The following LCT variants were observed in gnomAD, a reference collection of about 807,000 sequenced individuals.
LCT encodes the protein lactase.
A neutral mutation model predicts 173.0 loss-of-function variants in LCT; 90 were observed. The observed-to-expected ratio is 0.52, with a 90% CI of 0.44 to 0.62. The LOEUF is 0.62. Among genes scored for constraint, LCT ranks in the 20% least tolerant of loss-of-function variants. The pLI is 0.00. For missense variants in LCT, 1,864 were observed against 2,431.4 expected (o/e 0.77, Z 4.91); for synonymous variants, 853 against 957.6 (o/e 0.89, Z 2.02).
In LCT at chr2:135,790,605, A is replaced by G. The variant is rs2105517008; in HGVS notation, c.5335+53T>C. 1 of 1,135,030 alleles carries G rather than the reference A, an allele frequency of 8.8e-7. No homozygotes were observed. The allele number at this position is 1,135,030 out of a possible 1,614,324, so 70.3% of individuals were successfully genotyped here. A position where few individuals can be genotyped will look rare whatever the true frequency, so the allele number is the denominator to read the frequency against. On this transcript the variant is annotated intron_variant, in intron 15 of 16. Transcript: ENST00000264162. This position sits in a 1 kb window ranked among gnomAD's most constrained non-coding sequence, Gnocchi z 4.1. ...GCTGTATCACACTCCTGCAAATAGC[A>G]GATGTTTCCAACAGGGGAAGGTGCA...
At chr2:135,832,882 A>T (rs773697926) in intron 2 of LCT, among the ~76,000 whole-genome samples, 3 of 152,148 alleles carry the variant, frequency 2.0e-5, no homozygotes, top group Non-Finnish European at 4.4e-5. Flanking sequence ...AATCAGAGCC[A>T]GCAGAGGCAA....
Position 135,808,895 on chromosome 2 carries a change from AG to A in LCT, c.3451del (p.Leu1151TrpfsTer18), listed in dbSNP as rs2105533431. The A allele has an allele frequency of 6.2e-7, 1 of 1,614,236 alleles. No homozygotes were observed. Among genetic ancestry groups the A allele is most frequent in the Non-Finnish European group, 8.5e-7 (1 of 1,180,034 alleles). ...AAAAATGGGGTGAGCAAACCAGCCC[AG>A]GGAGAACTGCAGCATTCGGTCAGCG... Reference protein sequence around the residue: ...EAADRMLQFSLGWFAHPIFRN... With the variant: ...EAADRMLQFSXGWFAHPIFRN... On this transcript the variant is annotated frameshift_variant, in exon 8 of 17. Coordinates refer to ENST00000264162, the MANE Select transcript of LCT (RefSeq NM_002299.4). LOFTEE classifies it high-confidence loss of function.
At chr2:135,820,915 C>G (rs1294844096) in intron 5 of LCT, among the ~76,000 whole-genome samples, 1 of 151,564 alleles carries the variant, frequency 6.6e-6, no homozygotes, top group Admixed American at 6.6e-5. Context: ...GAGTCTCGCT[C>G]CATCACCCAG....
At chr2:135,802,379 A>C (rs1008503830) in intron 11 of LCT, among the ~76,000 whole-genome samples, 9 of 152,252 alleles carry the variant, frequency 5.9e-5, no homozygotes, top group Non-Finnish European at 1.0e-4. Context: ...TCCAAAGGAA[A>C]GTAAGTCAGA....
At chr2:135,816,252 C>T (rs572155731) in intron 6 of LCT, among the ~76,000 whole-genome samples, 1 of 152,206 alleles carries the variant, frequency 6.6e-6, no homozygotes, top group Non-Finnish European at 1.5e-5. Context: ...CCCTCTCTGC[C>T]TCCTCAGCTC....
intron 5 of LCT, among the ~76,000 whole-genome samples, chr2:135,819,921 T>C (rs1362125998): frequency 6.6e-6 from 1 of 152,138 alleles, no homozygotes; most frequent in Non-Finnish European, 1.5e-5. Context: ...GAACTTGCTG[T>C]ACAGGCTTGG....
intron 5 of LCT, 31 bp from the exon 6 acceptor site, chr2:135,818,092 A>C (rs1249839218): frequency 6.2e-7 from 1 of 1,612,554 alleles, no homozygotes; most frequent in Admixed American, 1.7e-5. Context: ...AAAGGGACAT[A>C]ATAATGAATG....
intron 11 of LCT, among the ~76,000 whole-genome samples, chr2:135,803,226 G>T (rs2077642228): frequency 6.6e-6 from 1 of 152,212 alleles, no homozygotes; most frequent in African/African-American, 2.4e-5. Flanking sequence ...ATGAATGTTT[G>T]AGGTGATGAA....
At chr2:135,813,142 T>C (rs1435978650) in intron 6 of LCT, among the ~76,000 whole-genome samples, 186 bp from the exon 7 acceptor site, 4 of 152,092 alleles carry the variant, frequency 2.6e-5, no homozygotes, top group East Asian at 3.9e-4. Context: ...CAAATAACAA[T>C]GTTGACACTA....
At chr2:135,831,172 G>A (rs1265971371) in intron 2 of LCT, among the ~76,000 whole-genome samples, 1 of 152,202 alleles carries the variant, frequency 6.6e-6, no homozygotes, top group Non-Finnish European at 1.5e-5. Flanking sequence ...GGTCCGGGTG[G>A]GGACAGAGTG....
At chr2:135,792,051 G>C (rs900039882) in intron 14 of LCT, among the ~76,000 whole-genome samples, 6 of 152,204 alleles carry the variant, frequency 3.9e-5, no homozygotes, top group Admixed American at 3.9e-4. Flanking sequence ...CCATGAGACA[G>C]CTGCAAAACT....
In LCT at chr2:135,788,060, A is replaced by T; in HGVS notation, c.*264T>A. 1 of 503,812 alleles carries T rather than the reference A, an allele frequency of 2.0e-6. No homozygotes were observed. Among genetic ancestry groups the T allele is most frequent in the East Asian group, 3.7e-5 (1 of 27,090 alleles). The allele number at this position is 503,812 out of a possible 1,614,324, so 31.2% of individuals were successfully genotyped here. A position where few individuals can be genotyped will look rare whatever the true frequency, so the allele number is the denominator to read the frequency against. On this transcript the variant is annotated 3_prime_UTR_variant, in exon 17 of 17. Coordinates refer to ENST00000264162, the MANE Select transcript of LCT (RefSeq NM_002299.4). ...GTTCAATTAAGTGGTTCACAGACCC[A>T]CTAGACCAGTATCTACACGTTTCCG... is the stretch of plus-strand genomic sequence containing the variant.
At position 135,790,499 on chromosome 2, in the gene LCT, CAG is replaced by C. The variant is rs2105516932; in HGVS notation, c.5335+157_5335+158del. On this transcript the variant is annotated intron_variant, in intron 15 of 16. Transcript: ENST00000264162. This position sits in a 1 kb window ranked among gnomAD's most constrained non-coding sequence, Gnocchi z 4.1. Reference sequence around the variant, plus strand: ...CTTAGACATAGGAAGGAAAAAAACTCAGAGTGCGGCCCTAAAGCAAAGCTTAA... The same window carrying C: ...CTTAGACATAGGAAGGAAAAAAACTCAGTGCGGCCCTAAAGCAAAGCTTAA... Among the ~76,000 whole-genome samples the C allele has an allele frequency of 6.6e-6, 1 of 152,324 alleles. No individual in the cohort carries two copies. Among genetic ancestry groups the C allele is most frequent in the East Asian group, 1.9e-4 (1 of 5,188 alleles).
Position 135,836,942 on chromosome 2 carries a change from G to T in LCT, c.228C>A (p.Phe76Leu), listed in dbSNP as rs370332365. The change falls in exon 1 of 17, where the codon TTC becomes TTA. Residue 76 changes from phenylalanine to leucine, a missense_variant. Physicochemically the swap from Phe to Leu is conservative, Grantham distance 22. Transcript: ENST00000264162. ...QPLPTFLPEY[F>L]SSLHASQITH... ...TGATCTGACTGGCATGGAGACTGCT[G>T]AAGTATTCTGGCAGGAAAGTGGGCA... The T allele has an allele frequency of 6.2e-7, 1 of 1,614,188 alleles. No homozygotes were observed. The highest frequency in any genetic ancestry group is 8.5e-7 in the Non-Finnish European group (1 of 1,180,010).
At chr2:135,801,663 C>G (rs905223114) in intron 11 of LCT, among the ~76,000 whole-genome samples, 1 of 150,862 alleles carries the variant, frequency 6.6e-6, no homozygotes, top group Non-Finnish European at 1.5e-5. Context: ...TGCAGTGAGC[C>G]GAGGGGTTCA....
chr2:135,824,329 A>G (rs2077864850), intron 3 of LCT, among the ~76,000 whole-genome samples: 1 of 152,210 alleles, frequency 6.6e-6, no homozygotes. Flanking sequence ...CTACTTAAGA[A>G]GCTTAGTTAA....
chr2:135,834,063 T>G (rs568354412), intron 1 of LCT, among the ~76,000 whole-genome samples: 25 of 152,234 alleles, frequency 1.6e-4, no homozygotes, highest in Non-Finnish European at 2.9e-4. Context: ...TTTTAATAAA[T>G]GTGGAGTAAT....
At chr2:135,801,393 A>G (rs1464511487) in intron 11 of LCT, among the ~76,000 whole-genome samples, 1 of 152,096 alleles carries the variant, frequency 6.6e-6, no homozygotes, top group Non-Finnish European at 1.5e-5. Context: ...AGAAAGGACT[A>G]TATGTACAAA....
chr2:135,813,076 CA>C, intron 6 of LCT, 120 bp from the exon 7 acceptor site: 1 of 873,216 alleles, frequency 1.1e-6, no homozygotes, highest in Non-Finnish European at 1.9e-6. Context: ...ACAACAACAA[CA>C]TTGACATTGT....
Sources: allele counts gnomAD v4.1 joint callset (sites outside exome capture counted in the v4.1 genomes callset), GRCh38; gene constraint gnomAD v4.1.1; non-coding constraint Gnocchi (gnomAD v3.1); transcripts MANE v1.5; gene names NCBI Gene and HGNC (gene_info 2026-07-23, HGNC 2026-07-21).